The following SYT17 variants were observed in gnomAD, a reference collection of about 807,000 sequenced individuals.
SYT17 encodes the protein synaptotagmin-17.
Under a neutral mutation model 46.7 loss-of-function variants are expected in SYT17, and 22 were observed. The ratio of observed to expected loss-of-function variants is 0.47; its 90% CI spans 0.34 to 0.67. The LOEUF is 0.67. Among genes scored for constraint, SYT17 ranks in the 30% least tolerant of loss-of-function variants. The pLI is 0.01. For missense variants in SYT17, 519 were observed against 612.8 expected, an observed-to-expected ratio of 0.85 and a Z score of 1.62; for synonymous variants, 251 against 248.4, an observed-to-expected ratio of 1.01 and a Z score of -0.10.
intron 5 of SYT17, among the ~76,000 whole-genome samples, chr16:19,202,211 G>A (rs1965494110): frequency 6.6e-6 from 1 of 152,058 alleles, no homozygotes; most frequent in African/African-American, 2.4e-5. Flanking sequence ...AAAGCCCCAG[G>A]GTGCCACCTG....
chr16:19,253,435 G>A lies in SYT17; in HGVS notation c.1229-13445G>A, dbSNP rs79516461. On this transcript the variant is annotated intron_variant, in intron 7 of 7. Coordinates refer to ENST00000355377, the MANE Select transcript of SYT17 (RefSeq NM_016524.4). ...AATAGTTTTTAATTAGCTAAGTGTG[G>A]TTGTGTGTGCCTGTAGTCCCAGGTC... Among the ~76,000 whole-genome samples the A allele has an allele frequency of 0.021, 3,157 of 152,176 alleles. 184 individuals are homozygous for A. In the East Asian group the frequency reaches 0.25, roughly 12 times the overall value.
At chr16:19,189,395 C>T (rs1326991757) in intron 5 of SYT17, among the ~76,000 whole-genome samples, 1 of 145,144 alleles carries the variant, frequency 6.9e-6, no homozygotes, top group East Asian at 2.0e-4. Flanking sequence ...GGCTGGATTG[C>T]AGTCGTGTAA....
At chr16:19,245,549 A>G (rs975562583) in intron 7 of SYT17, among the ~76,000 whole-genome samples, 9 of 152,030 alleles carry the variant, frequency 5.9e-5, no homozygotes, top group Non-Finnish European at 8.8e-5. Context: ...TACTCTCCTT[A>G]TGGCATTTTA....
chr16:19,245,664 A>G (rs1341601559), intron 7 of SYT17, among the ~76,000 whole-genome samples: 1 of 152,164 alleles, frequency 6.6e-6, no homozygotes, highest in African/African-American at 2.4e-5. Flanking sequence ...GATTTTTCAA[A>G]TGGCTTCCCT....
chr16:19,221,474 A>G lies in SYT17; in HGVS notation c.952-1571A>G, dbSNP rs570578003. 3.0e-4 allele frequency among the ~76,000 whole-genome samples: 45 copies of G among 152,362 alleles called. No individual in the cohort carries two copies. In the South Asian group the frequency reaches 9.1e-3, roughly 31 times the overall value. ...ATTGTATAATAATTAACAAGTAATT[A>G]TAAGTTAAAATGTGATGTGGGGCAA... On this transcript the variant is annotated intron_variant, in intron 5 of 7. Transcript: ENST00000355377.
At chr16:19,186,997 G>A (rs2142622534) in intron 5 of SYT17, among the ~76,000 whole-genome samples, 1 of 152,084 alleles carries the variant, frequency 6.6e-6, no homozygotes, top group South Asian at 2.1e-4. Context: ...GGTAATAAAT[G>A]GGCAATCAGG....
intron 5 of SYT17, among the ~76,000 whole-genome samples, chr16:19,194,617 A>T (rs1184001051): frequency 6.6e-6 from 1 of 152,194 alleles, no homozygotes; most frequent in Non-Finnish European, 1.5e-5. Flanking sequence ...TGTATTAGAG[A>T]CAGGGTCTCA....
intron 5 of SYT17, among the ~76,000 whole-genome samples, chr16:19,222,250 T>A (rs1966346093): frequency 6.6e-6 from 1 of 152,224 alleles, no homozygotes; most frequent in Non-Finnish European, 1.5e-5. Context: ...TGGAGATTTG[T>A]TATGCTAGTC....
At chr16:19,210,615 GAAGA>G (rs1284017405) in intron 5 of SYT17, among the ~76,000 whole-genome samples, 1 of 151,892 alleles carries the variant, frequency 6.6e-6, no homozygotes, top group Non-Finnish European at 1.5e-5. Flanking sequence ...AAAGTGAAGA[GAAGA>G]AAGAAGAAGA....
intron 7 of SYT17, among the ~76,000 whole-genome samples, chr16:19,262,032 G>A (rs1399588226): frequency 6.6e-6 from 1 of 152,172 alleles, no homozygotes; most frequent in South Asian, 2.1e-4. Flanking sequence ...AGGATGTTTG[G>A]CGAGTGGATA....
chr16:19,209,715 C>CAAA (rs150786893), intron 5 of SYT17, among the ~76,000 whole-genome samples: 2,203 of 140,742 alleles, frequency 0.016, 62 homozygotes, highest in African/African-American at 0.054. Flanking sequence ...CTAAAAAATA[C>CAAA]AAAAAAAAAA....
chr16:19,184,159 GTT>G lies in SYT17; in HGVS notation c.951+14_951+15del. On this transcript the variant is annotated intron_variant, in intron 5 of 7. Transcript: ENST00000355377. ...TTCCCAGTTCTCAGGTAAGGGATGG[GTT>G]TGTGGTGTTTCCTCCTGGGAGCTTT... 1 of 1,594,648 alleles carries G rather than the reference GTT, an allele frequency of 6.3e-7. No individual in the cohort carries two copies. Among genetic ancestry groups the G allele is most frequent in the Non-Finnish European group, 8.6e-7 (1 of 1,167,188 alleles).
chr16:19,208,741 G>A (rs755244864), intron 5 of SYT17, among the ~76,000 whole-genome samples: 32 of 152,036 alleles, frequency 2.1e-4, no homozygotes, highest in Non-Finnish European at 4.0e-4. Context: ...TTGGCTTATA[G>A]ATCTCTGCCT....
intron 5 of SYT17, among the ~76,000 whole-genome samples, chr16:19,213,849 G>A (rs953868021): frequency 5.9e-5 from 9 of 152,104 alleles, no homozygotes; most frequent in African/African-American, 2.2e-4. Flanking sequence ...TATACCAAAA[G>A]TTCCAAGTCT....
intron 5 of SYT17, among the ~76,000 whole-genome samples, chr16:19,192,255 A>C (rs980007928): frequency 2.6e-5 from 4 of 152,048 alleles, no homozygotes; most frequent in Non-Finnish European, 5.9e-5. Context: ...TCCCATCTCT[A>C]CTTTTTAGTA....
At chr16:19,233,725 G>A (rs1567224669) in intron 7 of SYT17, among the ~76,000 whole-genome samples, 2 of 152,132 alleles carry the variant, frequency 1.3e-5, no homozygotes, top group Admixed American at 6.5e-5. Context: ...GAGGCAGAGG[G>A]TCTCCAGCAG....
rs552599048 is a variant in SYT17, at chr16:19,195,532, A to G, written c.951+11385A>G. 3.9e-5 allele frequency among the ~76,000 whole-genome samples: 6 copies of G among 152,198 alleles called. No individual in the cohort carries two copies. In the South Asian group the frequency reaches 1.0e-3, roughly 26 times the overall value. On this transcript the variant is annotated intron_variant, in intron 5 of 7. Transcript: ENST00000355377. ...GGAGTTCAAGACCAGCCTGGCCAAC[A>G]TGGTGAAACCTCATCTTTACTAAAA...
At chr16:19,211,274 GT>G in intron 5 of SYT17, 1 of 554,848 alleles carries the variant, frequency 1.8e-6, no homozygotes, top group South Asian at 2.6e-5. Flanking sequence ...CTTCGATTCT[GT>G]GGGGGTTGGA....
chr16:19,198,257 C>T (rs549694303), intron 5 of SYT17, among the ~76,000 whole-genome samples: 3 of 152,236 alleles, frequency 2.0e-5, no homozygotes, highest in East Asian at 1.9e-4. Context: ...CAACACTGAT[C>T]TCAGTAGTAC....
Sources: allele counts gnomAD v4.1 joint callset (sites outside exome capture counted in the v4.1 genomes callset), GRCh38; gene constraint gnomAD v4.1.1; transcripts MANE v1.5; gene names NCBI Gene and HGNC (gene_info 2026-07-23, HGNC 2026-07-21).